Variants in MTMR12 observed in about 807,000 individuals in gnomAD.
The protein encoded by MTMR12 is myotubularin related protein 12.
MTMR12 carries 33 observed loss-of-function variants against 96.7 expected under a neutral mutation model. That is an observed-to-expected ratio of 0.34 (90% CI 0.26 to 0.46). MTMR12 has a LOEUF of 0.46. Ranked by LOEUF, MTMR12 falls within the 20% of genes least tolerant of loss-of-function variation. The pLI is 1.00. For synonymous variants in MTMR12, 298 were observed against 327.2 expected, an observed-to-expected ratio of 0.91 and a Z score of 0.96; for missense variants, 721 against 896.1, an observed-to-expected ratio of 0.80 and a Z score of 2.49.
intron 1 of MTMR12, among the ~76,000 whole-genome samples, chr5:32,298,450 C>T (rs1040979489): frequency 6.6e-6 from 1 of 152,124 alleles, no homozygotes; most frequent in South Asian, 2.1e-4. Flanking sequence ...TGCCCAAACC[C>T]CAAGTCCTCC....
intron 1 of MTMR12, among the ~76,000 whole-genome samples, chr5:32,303,369 G>T (rs957570283): frequency 9.2e-5 from 14 of 152,160 alleles, no homozygotes; most frequent in Admixed American, 9.2e-4. Context: ...AATAAAGGAA[G>T]GGTGAGGCCC....
chr5:32,299,086 C>T (rs182400035), intron 1 of MTMR12, among the ~76,000 whole-genome samples: 7 of 151,968 alleles, frequency 4.6e-5, no homozygotes, highest in African/African-American at 7.2e-5. Context: ...TACACACACA[C>T]GCACACACAC....
At chr5:32,269,259 T>G (rs1338795639) in intron 5 of MTMR12, among the ~76,000 whole-genome samples, 2 of 152,056 alleles carry the variant, frequency 1.3e-5, no homozygotes, top group East Asian at 1.9e-4. Context: ...ACTCCTGACC[T>G]CAACTGATCT....
chr5:32,263,248 A>G lies in MTMR12; in HGVS notation c.584-6T>C. ...ATGGTTCTTGGGATCAGTGACTAAG[A>G]GAACAAAATGTAAAAGACAATAAAA... On this transcript the variant is annotated splice_polypyrimidine_tract_variant and splice_region_variant and intron_variant, in intron 6 of 15. Coordinates refer to ENST00000382142, the MANE Select transcript of MTMR12 (RefSeq NM_001040446.3). 2.5e-6 allele frequency: 4 copies of G among 1,613,812 alleles called. No homozygotes were observed. The highest frequency in any genetic ancestry group is 1.3e-5 in the African/African-American group (1 of 75,026).
intron 1 of MTMR12, among the ~76,000 whole-genome samples, chr5:32,298,853 T>G (rs1254194855): frequency 6.7e-6 from 1 of 148,852 alleles, no homozygotes; most frequent in African/African-American, 2.5e-5. Flanking sequence ...CTCTGGAGGC[T>G]GAGGCAGGAG....
chr5:32,228,603 T>TC lies in MTMR12; in HGVS notation c.*1174_*1175insG, dbSNP rs374225889. On this transcript the variant is annotated 3_prime_UTR_variant, in exon 16 of 16. Transcript: ENST00000382142. ...ATCATATATATGTGATATATATATATATATCATATATATGATATATATATA... is the reference window on the plus strand; with the variant it reads ...ATCATATATATGTGATATATATATATCATATCATATATATGATATATATATA... The TC allele has an allele frequency of 0.096, 11,291 of 117,866 alleles. 1,378 individuals carry two copies. The highest frequency in any genetic ancestry group is 0.14 in the East Asian group (519 of 3,634). The allele number at this position is 117,866 out of a possible 1,614,324, so 7.3% of individuals were successfully genotyped here.
intron 12 of MTMR12, among the ~76,000 whole-genome samples, chr5:32,241,191 T>C (rs1240641605): frequency 6.6e-6 from 1 of 152,226 alleles, no homozygotes; most frequent in African/African-American, 2.4e-5. Context: ...CTCTGTTCTG[T>C]CACGGCTGGT....
chr5:32,271,725 A>T, intron 4 of MTMR12, 108 bp downstream of exon 4: 1 of 594,948 alleles, frequency 1.7e-6, no homozygotes, highest in Non-Finnish European at 2.7e-6. Context: ...ACAAGATGAT[A>T]TATGTGAAAA....
intron 12 of MTMR12, among the ~76,000 whole-genome samples, chr5:32,240,060 T>C (rs989178606): frequency 2.6e-5 from 4 of 152,182 alleles, no homozygotes; most frequent in African/African-American, 9.7e-5. Flanking sequence ...TTAAAAAATG[T>C]CCATGAGGAG....
At position 32,233,473 on chromosome 5, in the gene MTMR12, A is replaced by ACACAC. The variant is rs1748084676; in HGVS notation, c.1674+299_1674+300insGTGTG. 0.021 allele frequency among the ~76,000 whole-genome samples: 1,287 copies of ACACAC among 59,960 alleles called. 29 individuals carry two copies. Among genetic ancestry groups the ACACAC allele is most frequent in the African/African-American group, 0.057 (1,229 of 21,750 alleles). The allele number at this position is 59,960 out of a possible 152,430, so 39.3% of individuals were successfully genotyped here. A position where few individuals can be genotyped will look rare whatever the true frequency, so the allele number is the denominator to read the frequency against. On this transcript the variant is annotated intron_variant, in intron 15 of 15. Transcript: ENST00000382142. This position sits in a 1 kb window ranked among gnomAD's most constrained non-coding sequence, Gnocchi z 5.0. ...CTCTACTAACACACACACACACACA[A>ACACAC]ACACACACACACACACACACACACA...
Position 32,233,711 on chromosome 5 carries a change from T to G in MTMR12, c.1674+62A>C. 6.2e-7 allele frequency: 1 copy of G among 1,607,392 alleles called. No individual in the cohort carries two copies. Among genetic ancestry groups the G allele is most frequent in the South Asian group, 1.1e-5 (1 of 90,512 alleles). On this transcript the variant is annotated intron_variant, in intron 15 of 15. Transcript: ENST00000382142. This position sits in a 1 kb window ranked among gnomAD's most constrained non-coding sequence, Gnocchi z 5.0. ...TGGCAGACAGAATCCGTAAGTACCTTTTATCATTACATGCACGGGGTCTGG... is the reference window on the plus strand; with the variant it reads ...TGGCAGACAGAATCCGTAAGTACCTGTTATCATTACATGCACGGGGTCTGG...
intron 10 of MTMR12, among the ~76,000 whole-genome samples, chr5:32,247,472 C>T (rs1159174120): frequency 1.3e-5 from 2 of 152,126 alleles, no homozygotes; most frequent in African/African-American, 4.8e-5. Context: ...TATGAGGCAC[C>T]AGTAGGCAGC....
At chr5:32,255,981 T>A in intron 7 of MTMR12, 2 of 382,096 alleles carry the variant, frequency 5.2e-6, no homozygotes. Context: ...AAACTGTGGC[T>A]CTGCCTGCAA....
intron 6 of MTMR12, among the ~76,000 whole-genome samples, chr5:32,265,921 C>G (rs1023495357): frequency 3.9e-5 from 6 of 152,196 alleles, no homozygotes; most frequent in Non-Finnish European, 7.3e-5. Context: ...AGCTGGAAAA[C>G]AGCAAGGCCA....
chr5:32,306,596 C>A (rs189993332), intron 1 of MTMR12, among the ~76,000 whole-genome samples: 10 of 152,274 alleles, frequency 6.6e-5, no homozygotes, highest in Non-Finnish European at 1.5e-5. Context: ...CAATCTTCAT[C>A]TCTCTTGACT....
intron 11 of MTMR12, 98 bp from the exon 12 acceptor site, chr5:32,242,225 TTCTC>T (rs1376446121): frequency 2.9e-5 from 23 of 781,490 alleles, no homozygotes; most frequent in African/African-American, 3.5e-5. Flanking sequence ...ATCTTCAGTC[TTCTC>T]TCTTATTTTT....
At chr5:32,237,923 A>G (rs370934044) in intron 13 of MTMR12, among the ~76,000 whole-genome samples, 3 of 151,790 alleles carry the variant, frequency 2.0e-5, no homozygotes, top group South Asian at 4.2e-4. Flanking sequence ...CAGGTGGGTC[A>G]CTTGAGGTCA....
At chr5:32,254,563 T>A (rs1749067221) in intron 8 of MTMR12, among the ~76,000 whole-genome samples, 1 of 151,962 alleles carries the variant, frequency 6.6e-6, no homozygotes, top group Non-Finnish European at 1.5e-5. Context: ...CACATAAAGA[T>A]CTGTATCTAG....
In MTMR12 at chr5:32,230,047, C is replaced by T; in HGVS notation, c.1975G>A (p.Ala659Thr). Residue 659 changes from alanine (A) to threonine (T), a missense_variant, in exon 16 of 16, where the codon GCC becomes ACC. Physicochemically the swap from Ala to Thr is moderately conservative, Grantham distance 58. Transcript: ENST00000382142. The stretch of plus-strand genomic sequence containing the variant: ...ATTTCCAAGAGTTTGCTCAGAGTGG[C>T]CACTTGGCCACCACCTAGGATTTGG... The part of the protein sequence containing the change: ...EAQILGGGQV[A>T]TLSKLLEMME... The T allele has an allele frequency of 6.2e-7, 1 of 1,613,450 alleles. No individual in the cohort carries two copies. Among genetic ancestry groups the T allele is most frequent in the East Asian group, 2.2e-5 (1 of 44,844 alleles).
Sources: allele counts gnomAD v4.1 joint callset (sites outside exome capture counted in the v4.1 genomes callset), GRCh38; gene constraint gnomAD v4.1.1; non-coding constraint Gnocchi (gnomAD v3.1); transcripts MANE v1.5; gene names NCBI Gene and HGNC (gene_info 2026-07-23, HGNC 2026-07-21).